The following SYT9 variants were observed in gnomAD, a reference collection of about 807,000 sequenced individuals.
The protein encoded by SYT9 is synaptotagmin-9.
SYT9 carries 22 observed loss-of-function variants against 48.4 expected under a neutral mutation model. The ratio of observed to expected loss-of-function variants is 0.45; its 90% CI spans 0.32 to 0.65. SYT9 has a LOEUF of 0.65. Ranked by LOEUF, SYT9 falls within the 30% of genes least tolerant of loss-of-function variation. The probability of loss-of-function intolerance (pLI) is 0.03; values close to 1 mark genes in which losing one functional copy is unlikely to be tolerated. For missense variants in SYT9, 577 were observed against 622.0 expected, an observed-to-expected ratio of 0.93 and a Z score of 0.77; for synonymous variants, 265 against 245.0, an observed-to-expected ratio of 1.08 and a Z score of -0.76.
intron 6 of SYT9, among the ~76,000 whole-genome samples, chr11:7,443,676 TC>T (rs1420752444): frequency 1.3e-5 from 2 of 152,204 alleles, no homozygotes; most frequent in Admixed American, 1.3e-4. Flanking sequence ...GATCCTAATG[TC>T]CCAGACAGGA....
intron 2 of SYT9, among the ~76,000 whole-genome samples, chr11:7,308,404 C>T (rs1233318998): frequency 3.9e-5 from 6 of 152,046 alleles, no homozygotes; most frequent in South Asian, 2.1e-4. Context: ...TGAAAGCCCG[C>T]GATGGAAGGG....
upstream of SYT9, among the ~76,000 whole-genome samples, chr11:7,250,962 T>C (rs894270233): frequency 6.6e-6 from 1 of 152,098 alleles, no homozygotes; most frequent in East Asian, 1.9e-4. Context: ...CATGTATGAA[T>C]TTGAGCAAGT....
intron 3 of SYT9, among the ~76,000 whole-genome samples, chr11:7,332,112 A>G (rs1236409436): frequency 1.3e-5 from 2 of 152,172 alleles, no homozygotes; most frequent in Non-Finnish European, 2.9e-5. Context: ...TGAAACCCAT[A>G]AAGAAGAAAG....
chr11:7,381,133 T>C (rs1850554303), intron 3 of SYT9, among the ~76,000 whole-genome samples: 1 of 152,210 alleles, frequency 6.6e-6, no homozygotes, highest in African/African-American at 2.4e-5. Context: ...TACTATCATC[T>C]GGTCTAAATC....
At chr11:7,323,994 AT>A (rs1849383501) in intron 3 of SYT9, among the ~76,000 whole-genome samples, 1 of 151,856 alleles carries the variant, frequency 6.6e-6, no homozygotes, top group East Asian at 1.9e-4. Flanking sequence ...ATTTTGTGTC[AT>A]TTTGTGTATG....
At chr11:7,368,611 C>G (rs1322854961) in intron 3 of SYT9, among the ~76,000 whole-genome samples, 1 of 152,114 alleles carries the variant, frequency 6.6e-6, no homozygotes, top group Non-Finnish European at 1.5e-5. Context: ...TGAGAACATG[C>G]AGTGTTTGGT....
At chr11:7,255,646 G>T (rs528776309) in intron 1 of SYT9, among the ~76,000 whole-genome samples, 1 of 152,234 alleles carries the variant, frequency 6.6e-6, no homozygotes, top group African/African-American at 2.4e-5. Flanking sequence ...AGATGTGAAA[G>T]GTGAGAGAAG....
chr11:7,431,962 G>T (rs1394224424), intron 6 of SYT9, among the ~76,000 whole-genome samples: 3 of 152,218 alleles, frequency 2.0e-5, no homozygotes, highest in African/African-American at 7.2e-5. Context: ...CAGTGCTAAG[G>T]GAAAATGTGG....
chr11:7,456,610 A>G (rs1438516347), intron 6 of SYT9, among the ~76,000 whole-genome samples: 1 of 152,256 alleles, frequency 6.6e-6, no homozygotes, highest in Non-Finnish European at 1.5e-5. Context: ...TGTTCACTAA[A>G]GTTTAGGGTC....
intron 3 of SYT9, among the ~76,000 whole-genome samples, chr11:7,333,736 GA>G (rs1589952549): frequency 6.6e-6 from 1 of 152,268 alleles, no homozygotes; most frequent in East Asian, 1.9e-4. Context: ...TGCAAGTCAG[GA>G]AGTGAGTTCT....
intron 6 of SYT9, among the ~76,000 whole-genome samples, chr11:7,422,259 G>A (rs1342132080): frequency 6.6e-6 from 1 of 152,186 alleles, no homozygotes; most frequent in African/African-American, 2.4e-5. Flanking sequence ...AGTGGGGCAG[G>A]AAGGAGAAGG....
chr11:7,256,886 C>T (rs1847981676), intron 1 of SYT9, among the ~76,000 whole-genome samples: 1 of 152,148 alleles, frequency 6.6e-6, no homozygotes, highest in African/African-American at 2.4e-5. Context: ...ATTCTTCTCT[C>T]CATGTAAATA....
At chr11:7,402,174 A>C (rs1846906650) in intron 3 of SYT9, among the ~76,000 whole-genome samples, 2 of 151,934 alleles carry the variant, frequency 1.3e-5, no homozygotes, top group South Asian at 4.1e-4. Context: ...TTTTAATTTC[A>C]TTTCATTCTT....
chr11:7,299,714 G>A (rs995847178), intron 1 of SYT9, among the ~76,000 whole-genome samples: 1 of 152,102 alleles, frequency 6.6e-6, no homozygotes, highest in African/African-American at 2.4e-5. Flanking sequence ...TAGATTCTTG[G>A]CAGTCAGTGT....
chr11:7,287,212 C>A (rs573256941), intron 1 of SYT9, among the ~76,000 whole-genome samples: 19 of 152,288 alleles, frequency 1.2e-4, no homozygotes, highest in African/African-American at 4.6e-4. Flanking sequence ...CACATGGCAG[C>A]AGCAAGAAGT....
intron 3 of SYT9, among the ~76,000 whole-genome samples, chr11:7,375,528 T>C (rs867955963): frequency 2.0e-5 from 3 of 152,214 alleles, no homozygotes; most frequent in African/African-American, 7.2e-5. Flanking sequence ...TTTCATGATA[T>C]TGATTCTTCA....
At position 7,420,635 on chromosome 11, in the gene SYT9, G is replaced by A; in HGVS notation, c.1467G>A (p.Glu489=). ...TTGCACACTGGCATTCCCTGGTGGA[G>A]GTAAGACCCTAATCCACATGCTCCA... is the stretch of plus-strand genomic sequence containing the variant. The part of the protein sequence containing the change: ...KPIAHWHSLV[E]KR The change falls in exon 6 of 7, where the codon GAG becomes GAA. Residue 489 remains glutamate, a splice_region_variant and synonymous_variant. Coordinates refer to ENST00000318881, the MANE Select transcript of SYT9 (RefSeq NM_175733.4). 2 of 1,614,170 alleles carry A rather than the reference G, an allele frequency of 1.2e-6. No homozygotes were observed. Among genetic ancestry groups the A allele is most frequent in the South Asian group, 2.2e-5 (2 of 91,086 alleles).
intron 1 of SYT9, among the ~76,000 whole-genome samples, chr11:7,297,083 T>A (rs56087539): frequency 0.013 from 945 of 74,948 alleles, 6 homozygotes; most frequent in South Asian, 0.034. Context: ...TGTGTGTGTG[T>A]GTGAGAGAGA....
intron 5 of SYT9, among the ~76,000 whole-genome samples, chr11:7,419,519 C>T (rs908674182): frequency 1.3e-5 from 2 of 151,996 alleles, no homozygotes; most frequent in African/African-American, 4.8e-5. Context: ...CATATCAGTC[C>T]AGTTATACCA....
Sources: allele counts gnomAD v4.1 joint callset (sites outside exome capture counted in the v4.1 genomes callset), GRCh38; gene constraint gnomAD v4.1.1; transcripts MANE v1.5; gene names NCBI Gene and HGNC (gene_info 2026-07-23, HGNC 2026-07-21).